Variants in MYB observed in about 807,000 individuals in gnomAD.
The protein encoded by MYB is transcriptional activator Myb.
In MYB, 28 loss-of-function variants were observed where a neutral mutation model predicts 92.9. That is an observed-to-expected ratio of 0.30 (90% CI 0.22 to 0.41). The LOEUF is 0.41. Among genes scored for constraint, MYB ranks in the 10% least tolerant of loss-of-function variants. The pLI, the probability that MYB is intolerant of heterozygous loss-of-function variation, is 1.00. For synonymous variants in MYB, 295 were observed against 329.1 expected (o/e 0.90, Z 1.12); for missense variants, 679 against 929.3 (o/e 0.73, Z 3.50).
In MYB at chr6:135,218,300, A is replaced by G. The variant is rs1282948470; in HGVS notation, c.*320A>G. ...TGTATTTTAAAGGATCCAACAGATC[A>G]GTATTTTTTCCTGTGATGGGTTTTT... is the stretch of plus-strand genomic sequence containing the variant. On this transcript the variant is annotated 3_prime_UTR_variant, in exon 16 of 16. Coordinates refer to ENST00000341911, the MANE Select transcript of MYB (RefSeq NM_001130173.2). The G allele has an allele frequency of 6.8e-6, 2 of 292,114 alleles. No homozygotes were observed. Among genetic ancestry groups the G allele is most frequent in the African/African-American group, 4.5e-5 (2 of 44,724 alleles). 18.1% of individuals were successfully genotyped at this position (292,114 alleles called of 1,614,324 possible).
intron 15 of MYB, among the ~76,000 whole-genome samples, chr6:135,206,611 G>A (rs945130618): frequency 3.3e-5 from 5 of 152,130 alleles, no homozygotes; most frequent in African/African-American, 7.2e-5. Context: ...CAGGAGAATT[G>A]CTTGAACCCA....
intron 3 of MYB, among the ~76,000 whole-genome samples, chr6:135,189,535 A>G (rs994258101): frequency 1.3e-5 from 2 of 152,294 alleles, no homozygotes; most frequent in South Asian, 2.1e-4. Flanking sequence ...CATGTGTAGT[A>G]TGATGGTCCT....
At chr6:135,198,604 T>C (rs1450665925) in intron 10 of MYB, among the ~76,000 whole-genome samples, 2 of 152,266 alleles carry the variant, frequency 1.3e-5, no homozygotes, top group African/African-American at 4.8e-5. Flanking sequence ...CTTTTAAATG[T>C]TAATAAAGAA....
At chr6:135,187,780 A>G (rs1165310624) in intron 2 of MYB, 54 bp from the exon 3 acceptor site, 21 of 1,238,140 alleles carry the variant, frequency 1.7e-5, no homozygotes, top group South Asian at 1.5e-4. Context: ...TTTAACTTGA[A>G]CAGAGTTATA....
At chr6:135,208,520 T>C (rs924012600) in intron 15 of MYB, among the ~76,000 whole-genome samples, 2 of 149,970 alleles carry the variant, frequency 1.3e-5, no homozygotes, top group South Asian at 2.1e-4. Context: ...GCTGGGACTA[T>C]AGGCACATGC....
At chr6:135,200,233 T>C (rs779804671) in intron 12 of MYB, 34 bp downstream of exon 12, 4 of 1,613,976 alleles carry the variant, frequency 2.5e-6, no homozygotes, top group Non-Finnish European at 3.4e-6. Context: ...ATTTCATTGG[T>C]TTATTAGTCC....
At chr6:135,210,364 C>T (rs1156686737) in intron 15 of MYB, among the ~76,000 whole-genome samples, 1 of 152,174 alleles carries the variant, frequency 6.6e-6, no homozygotes, top group Non-Finnish European at 1.5e-5. Context: ...CCTGACTTGG[C>T]TTGCCCATGG....
intron 15 of MYB, among the ~76,000 whole-genome samples, chr6:135,207,150 A>G (rs1779056532): frequency 6.6e-6 from 1 of 152,272 alleles, no homozygotes; most frequent in Middle Eastern, 3.4e-3. Flanking sequence ...TTATTAAATG[A>G]TATGTATTTT....
At chr6:135,203,701 A>G (rs1156911014) in intron 15 of MYB, 1 of 1,415,784 alleles carries the variant, frequency 7.1e-7, no homozygotes, top group Non-Finnish European at 9.3e-7. Context: ...TTTATTTTTT[A>G]TGCTGTATCC....
intron 15 of MYB, among the ~76,000 whole-genome samples, chr6:135,207,835 A>C (rs920784577): frequency 1.3e-5 from 2 of 151,278 alleles, no homozygotes; most frequent in Non-Finnish European, 2.9e-5. Flanking sequence ...CCCAGGTTCA[A>C]GCAATTCTCC....
chr6:135,185,828 G>T, intron 1 of MYB, 75 bp from the exon 2 acceptor site: 1 of 1,161,112 alleles, frequency 8.6e-7, no homozygotes, highest in African/African-American at 1.5e-5. Context: ...GAGGAGTTTT[G>T]TGTAAGTTTT....
At position 135,200,310 on chromosome 6, in the gene MYB, A is replaced by G. The variant is rs1353232329; in HGVS notation, c.1845A>G (p.Leu615=). 1 of 1,614,160 alleles carries G rather than the reference A, an allele frequency of 6.2e-7. No homozygotes were observed. Among genetic ancestry groups the G allele is most frequent in the South Asian group, 1.1e-5 (1 of 91,074 alleles). The change falls in exon 13 of 16, where the codon CTA becomes CTG. Residue 615 remains leucine (L), a synonymous_variant. Coordinates refer to ENST00000341911, the MANE Select transcript of MYB (RefSeq NM_001130173.2). ...LKMLPQTPSH[L]VEDLQDVIKQ... ...TTTAGCCTCAGACACCCTCTCATCT[A>G]GTAGAAGATCTGCAGGATGTGATCA...
rs1194462207 is a variant in MYB at position 135,218,836 on chromosome 6, G to GT, written c.*863dup. On this transcript the variant is annotated 3_prime_UTR_variant, in exon 16 of 16. Transcript: ENST00000341911. ...GGGAGACTCTGCATTTTTTATTGTGGTTTTTTTGTTATTGTTGGTTTATAC... is the reference window on the plus strand; with the variant it reads ...GGGAGACTCTGCATTTTTTATTGTGGTTTTTTTTGTTATTGTTGGTTTATAC... The GT allele has an allele frequency of 1.6e-4, 35 of 223,850 alleles. No homozygotes were observed. Among genetic ancestry groups the GT allele is most frequent in the Non-Finnish European group, 2.8e-4 (31 of 112,086 alleles). The allele number at this position is 223,850 out of a possible 1,614,324, so 13.9% of individuals were successfully genotyped here.
chr6:135,196,056 C>A, intron 9 of MYB, 54 bp downstream of exon 9: 1 of 1,562,744 alleles, frequency 6.4e-7, no homozygotes, highest in Non-Finnish European at 8.7e-7. Flanking sequence ...ATTAGAAAAC[C>A]CATTTCTTAA....
At chr6:135,188,249 T>C (rs1219097452) in intron 3 of MYB, among the ~76,000 whole-genome samples, 1 of 152,154 alleles carries the variant, frequency 6.6e-6, no homozygotes, top group Non-Finnish European at 1.5e-5. Context: ...CTGAATTCCC[T>C]ATTTTTGTCA....
chr6:135,185,311 T>C (rs997799728), intron 1 of MYB, among the ~76,000 whole-genome samples: 2 of 152,234 alleles, frequency 1.3e-5, no homozygotes, highest in African/African-American at 4.8e-5. Flanking sequence ...AATGTTCTTA[T>C]CTTTGCTTTG....
At chr6:135,204,878 C>T (rs1562389321) in intron 15 of MYB, among the ~76,000 whole-genome samples, 5 of 151,716 alleles carry the variant, frequency 3.3e-5, no homozygotes, top group Non-Finnish European at 7.4e-5. Context: ...GAGGCCAAGG[C>T]GGGTGGATAA....
rs1036822714 is a variant in MYB, at chr6:135,190,105, A to T, written c.307-22A>T. 7 of 1,607,018 alleles carry T rather than the reference A, an allele frequency of 4.4e-6. No individual in the cohort carries two copies. In the African/African-American group the frequency reaches 8.0e-5, roughly 18 times the overall value. On this transcript the variant is annotated intron_variant, in intron 4 of 15. Transcript: ENST00000341911. The surrounding 1 kb of genome is among the most constrained non-coding windows in gnomAD (Gnocchi z 4.5). ...ATTACATAACTTTAAAACATAGGTT[A>T]TTTTTGTGTGTTTATCTGAAGGTGA...
chr6:135,183,067 A>G (rs1398368551), intron 1 of MYB, among the ~76,000 whole-genome samples: 1 of 116,314 alleles, frequency 8.6e-6, no homozygotes, highest in Non-Finnish European at 1.7e-5. Context: ...GGAGTCGGGC[A>G]GGGGTGCTGG....
Sources: gnomAD v4.1 joint callset for allele counts (sites outside exome capture counted in the v4.1 genomes callset) on GRCh38, gnomAD v4.1.1 for gene constraint, Gnocchi (gnomAD v3.1) non-coding constraint, MANE v1.5 for transcripts, NCBI Gene and HGNC (gene_info 2026-07-23, HGNC 2026-07-21) for gene names.